Variants in ALCAM observed in about 807,000 individuals in gnomAD.
ALCAM encodes the protein CD166 antigen.
In ALCAM, 30 loss-of-function variants were observed where a neutral mutation model predicts 70.9. The ratio of observed to expected loss-of-function variants is 0.42; its 90% CI spans 0.32 to 0.57. ALCAM has a LOEUF of 0.57. Ranked by LOEUF, ALCAM falls within the 20% of genes least tolerant of loss-of-function variation. ALCAM has a pLI of 0.11. For synonymous variants in ALCAM, 249 were observed against 242.5 expected (o/e 1.03, Z -0.25); for missense variants, 591 against 695.1 (o/e 0.85, Z 1.68).
intron 1 of ALCAM, among the ~76,000 whole-genome samples, chr3:105,436,849 A>G (rs895788975): frequency 1.3e-5 from 2 of 152,158 alleles, no homozygotes; most frequent in Admixed American, 6.5e-5. Flanking sequence ...TGATGATGCA[A>G]TGACAGTCAG....
chr3:105,529,977 TG>T (rs1270569799), intron 3 of ALCAM, among the ~76,000 whole-genome samples: 1 of 152,122 alleles, frequency 6.6e-6, no homozygotes, highest in Admixed American at 6.5e-5. Flanking sequence ...CCTAAATTTA[TG>T]GGGAGAATTG....
At chr3:105,473,780 C>G (rs1331001045) in intron 1 of ALCAM, among the ~76,000 whole-genome samples, 1 of 151,612 alleles carries the variant, frequency 6.6e-6, no homozygotes, top group Non-Finnish European at 1.5e-5. Flanking sequence ...ATTCCATCTT[C>G]TACACCACTC....
At chr3:105,551,761 G>T (rs1940412999) in intron 12 of ALCAM, among the ~76,000 whole-genome samples, 1 of 151,442 alleles carries the variant, frequency 6.6e-6, no homozygotes, top group Non-Finnish European at 1.5e-5. Flanking sequence ...TATCGGGCAG[G>T]AAAGTTGAGA....
At chr3:105,557,625 A>G (rs1002864958) in intron 14 of ALCAM, among the ~76,000 whole-genome samples, 1 of 152,172 alleles carries the variant, frequency 6.6e-6, no homozygotes, top group Admixed American at 6.5e-5. Context: ...TATGTGTCCC[A>G]TCATCTACCC....
chr3:105,491,724 T>C (rs1229381083), intron 1 of ALCAM, among the ~76,000 whole-genome samples: 1 of 152,308 alleles, frequency 6.6e-6, no homozygotes, highest in Non-Finnish European at 1.5e-5. Context: ...TTAGCTCCAG[T>C]TCCCAACAAG....
intron 14 of ALCAM, among the ~76,000 whole-genome samples, chr3:105,566,557 G>A (rs979859092): frequency 6.6e-6 from 1 of 151,908 alleles, no homozygotes; most frequent in South Asian, 2.1e-4. Flanking sequence ...TTAAGTTTTA[G>A]TATTACATTT....
chr3:105,383,952 C>T (rs1291255415), intron 1 of ALCAM, among the ~76,000 whole-genome samples: 1 of 151,576 alleles, frequency 6.6e-6, no homozygotes, highest in African/African-American at 2.4e-5. Flanking sequence ...TTCTCATAAT[C>T]TAGCAGAAAT....
intron 14 of ALCAM, among the ~76,000 whole-genome samples, chr3:105,570,037 G>A (rs1175608692): frequency 4.6e-5 from 7 of 152,254 alleles, no homozygotes. Flanking sequence ...ACAAAGGAAA[G>A]GGGGAGCCAT....
chr3:105,492,239 G>A (rs542874011), intron 1 of ALCAM, among the ~76,000 whole-genome samples: 6 of 152,198 alleles, frequency 3.9e-5, no homozygotes, highest in South Asian at 2.1e-4. Context: ...GGAGGTAACC[G>A]CCCCCATGAT....
intron 2 of ALCAM, among the ~76,000 whole-genome samples, chr3:105,521,318 A>C (rs1044909034): frequency 8.1e-5 from 12 of 148,092 alleles, no homozygotes; most frequent in Non-Finnish European, 1.5e-5. Flanking sequence ...AAAAAAAAAA[A>C]AAAAAAAAAA....
At chr3:105,419,818 A>G (rs1033843318) in intron 1 of ALCAM, among the ~76,000 whole-genome samples, 1 of 151,850 alleles carries the variant, frequency 6.6e-6, no homozygotes, top group Admixed American at 6.6e-5. Flanking sequence ...AGAATGAATA[A>G]TAGTGACATA....
At chr3:105,430,879 G>T (rs914410555) in intron 1 of ALCAM, among the ~76,000 whole-genome samples, 3 of 151,836 alleles carry the variant, frequency 2.0e-5, no homozygotes, top group Middle Eastern at 3.2e-3. Flanking sequence ...TCATGAATAT[G>T]GATATTATTT....
chr3:105,451,158 G>A (rs1361501604), intron 1 of ALCAM, among the ~76,000 whole-genome samples: 1 of 152,028 alleles, frequency 6.6e-6, no homozygotes, highest in African/African-American at 2.4e-5. Context: ...CAGCTACTTG[G>A]AAGGCTAAGG....
chr3:105,524,268 T>G (rs1431662455), intron 2 of ALCAM, 21 bp from the exon 3 acceptor site: 8 of 1,576,378 alleles, frequency 5.1e-6, no homozygotes, highest in Non-Finnish European at 6.9e-6. Flanking sequence ...TGTTTAAATG[T>G]ATTATTATTT....
chr3:105,447,645 C>T (rs909843096), intron 1 of ALCAM, among the ~76,000 whole-genome samples: 1 of 152,152 alleles, frequency 6.6e-6, no homozygotes, highest in Non-Finnish European at 1.5e-5. Context: ...CCAGGGAGAT[C>T]GAGCTGCAGT....
chr3:105,541,657 T>G lies in ALCAM; in HGVS notation c.883T>G (p.Ser295Ala). ...GGGACAGCCCGAAGGAATAAGAAGCTCAAATACTTACACACTGACGGATGT... is the reference window on the plus strand; with the variant it reads ...GGGACAGCCCGAAGGAATAAGAAGCGCAAATACTTACACACTGACGGATGT... ...LPGQPEGIRS[S>A]NTYTLTDVRR... The change falls in exon 8 of 16, where the codon TCA becomes GCA. Residue 295 changes from serine to alanine, a missense_variant. By Grantham distance (99) the Ser-to-Ala change is moderately conservative. Coordinates refer to ENST00000306107, the MANE Select transcript of ALCAM (RefSeq NM_001627.4). 6.2e-7 allele frequency: 1 copy of G among 1,611,922 alleles called. No individual in the cohort carries two copies. The highest frequency in any genetic ancestry group is 8.5e-7 in the Non-Finnish European group (1 of 1,178,690).
At chr3:105,458,617 T>C (rs1937563931) in intron 1 of ALCAM, among the ~76,000 whole-genome samples, 1 of 152,208 alleles carries the variant, frequency 6.6e-6, no homozygotes, top group Non-Finnish European at 1.5e-5. Context: ...TTTAAGCTTA[T>C]TTTAAAATTA....
intron 9 of ALCAM, among the ~76,000 whole-genome samples, chr3:105,546,411 C>T (rs1940249132): frequency 6.6e-6 from 1 of 151,382 alleles, no homozygotes; most frequent in Non-Finnish European, 1.5e-5. Context: ...TCTGTGAGCT[C>T]AGTTTCTTAT....
chr3:105,395,004 ATTTCACGGAGTAAT>A (rs1329622075), intron 1 of ALCAM, among the ~76,000 whole-genome samples: 2 of 151,984 alleles, frequency 1.3e-5, no homozygotes, highest in African/African-American at 4.8e-5. Context: ...TAATGACTGT[ATTTCACGGAGTAAT>A]TTCTAACTTT....
Sources: gnomAD v4.1 joint callset for allele counts (sites outside exome capture counted in the v4.1 genomes callset) on GRCh38, gnomAD v4.1.1 for gene constraint, MANE v1.5 for transcripts, NCBI Gene and HGNC (gene_info 2026-07-23, HGNC 2026-07-21) for gene names.